The following CCNH variants were observed in gnomAD, a reference collection of about 807,000 sequenced individuals.
CCNH encodes cyclin H.
In CCNH, 31 loss-of-function variants were observed where a neutral mutation model predicts 41.9. The ratio of observed to expected loss-of-function variants is 0.74; its 90% CI spans 0.56 to 1.00. The LOEUF is 1.00. Ranked by LOEUF, CCNH falls within the 50% of genes least tolerant of loss-of-function variation. CCNH has a pLI of 0.00. For missense variants in CCNH, 362 were observed against 388.4 expected (o/e 0.93, Z 0.57); for synonymous variants, 138 against 136.1 (o/e 1.01, Z -0.10).
chr5:87,332,622 T>C (rs779967471), intron 9 of CCNH: 14 of 1,611,026 alleles, frequency 8.7e-6, no homozygotes, highest in Non-Finnish European at 9.3e-6. Context: ...AAAATTACTT[T>C]ACCCAGTTGC....
intron 9 of CCNH, among the ~76,000 whole-genome samples, chr5:87,344,062 G>A (rs902406121): frequency 3.3e-5 from 5 of 152,136 alleles, no homozygotes; most frequent in Non-Finnish European, 5.9e-5. Context: ...TTACCAAAAG[G>A]TGGGAAGGGT....
At chr5:87,396,756 A>G (rs1009283111) in intron 7 of CCNH, among the ~76,000 whole-genome samples, 2 of 152,220 alleles carry the variant, frequency 1.3e-5, no homozygotes, top group African/African-American at 4.8e-5. Flanking sequence ...TAAAATACCA[A>G]TGTGATACTT....
chr5:87,339,573 C>T (rs1169916674), intron 9 of CCNH, among the ~76,000 whole-genome samples: 1 of 152,026 alleles, frequency 6.6e-6, no homozygotes, highest in Non-Finnish European at 1.5e-5. Context: ...AATTCTGGAT[C>T]AAATTTAACA....
downstream of CCNH, among the ~76,000 whole-genome samples, chr5:87,372,545 C>T (rs1236102808): frequency 6.6e-6 from 1 of 152,126 alleles, no homozygotes; most frequent in African/African-American, 2.4e-5. Context: ...TAGCACTAAT[C>T]CCAATAAACT....
upstream of CCNH, among the ~76,000 whole-genome samples, chr5:87,381,468 T>C (rs954933979): frequency 6.6e-6 from 1 of 152,250 alleles, no homozygotes; most frequent in African/African-American, 2.4e-5. Context: ...TACACTGTCA[T>C]GTCATGCTAT....
rs978278965 is a variant in CCNH, at chr5:87,369,745, G to A, written c.*90+23025C>T. ...GTTAATTATTTATTGTGAGTGTTTTGGAAGCTGGTATAAATATTTTGCTAC... is the reference window on the plus strand; with the variant it reads ...GTTAATTATTTATTGTGAGTGTTTTAGAAGCTGGTATAAATATTTTGCTAC... On this transcript the variant is annotated intron_variant and NMD_transcript_variant, in intron 9 of 9. Coordinates refer to the CCNH transcript ENST00000645953. 3.1e-6 allele frequency: 3 copies of A among 979,858 alleles called. No homozygotes were observed. In the South Asian group the frequency reaches 4.2e-5, roughly 14 times the overall value. The allele number at this position is 979,858 out of a possible 1,614,324, so 60.7% of individuals were successfully genotyped here.
chr5:87,322,794 T>C (rs1234319675), intron 9 of CCNH, among the ~76,000 whole-genome samples: 1 of 152,154 alleles, frequency 6.6e-6, no homozygotes, highest in Non-Finnish European at 1.5e-5. Flanking sequence ...AAAATATAGA[T>C]ATATAAACAC....
chr5:87,389,500 G>A (rs780778907), downstream of CCNH: 7 of 1,614,062 alleles, frequency 4.3e-6, no homozygotes, highest in Middle Eastern at 1.7e-4. Context: ...AACTTCGAAC[G>A]CTCAGTAATG....
intron 9 of CCNH, among the ~76,000 whole-genome samples, chr5:87,339,251 T>C (rs141144625): frequency 6.6e-6 from 1 of 152,148 alleles, no homozygotes; most frequent in African/African-American, 2.4e-5. Context: ...ACATACTGAG[T>C]AGAGGTGGGA....
intron 9 of CCNH, chr5:87,353,302 T>C: frequency 8.2e-7 from 1 of 1,223,482 alleles, no homozygotes; most frequent in South Asian, 1.2e-5. Context: ...GTGGTATGTT[T>C]TTGCACACAT....
chr5:87,412,779 T>A lies in CCNH; in HGVS notation c.16A>T (p.Ser6Cys). MYHNS[S>C]QKRHWTFSSE... is the part of the protein sequence containing the mutation. ...GAGAAGGTCCAGTGCCGCTTCTGAC[T>A]ACTGTTGTGGTACATTATGGAATCG... Residue 6 changes from serine to cysteine, a missense_variant, in exon 1 of 9, where the codon AGT becomes TGT. Coordinates refer to ENST00000256897, the MANE Select transcript of CCNH (RefSeq NM_001239.4). 6.2e-7 allele frequency: 1 copy of A among 1,614,200 alleles called. No individual in the cohort carries two copies. Among genetic ancestry groups the A allele is most frequent in the Non-Finnish European group, 8.5e-7 (1 of 1,180,026 alleles).
chr5:87,332,161 G>A (rs1284606029), intron 9 of CCNH, among the ~76,000 whole-genome samples: 2 of 152,068 alleles, frequency 1.3e-5, no homozygotes, highest in African/African-American at 2.4e-5. Flanking sequence ...AGATCTGTGA[G>A]CTCCTTTTAG....
At chr5:87,312,769 C>T in the CCNH span, among the ~76,000 whole-genome samples, 5 of 152,164 alleles carry the variant, frequency 3.3e-5, no homozygotes, top group African/African-American at 9.7e-5. Context: ...TCTTCTTATA[C>T]ACAGGCTCCT....
chr5:87,320,573 C>A lies in CCNH; in HGVS notation c.*91-1676G>T, dbSNP rs1476779231. Among the ~76,000 whole-genome samples, 3 of 152,150 alleles carry A rather than the reference C, an allele frequency of 2.0e-5. No homozygotes were observed. In the East Asian group the frequency reaches 5.8e-4, roughly 29 times the overall value. On this transcript the variant is annotated intron_variant and NMD_transcript_variant, in intron 9 of 9. Transcript: ENST00000645953. ...GAGAGAGTAAAGTGGGGAAGCGCCA[C>A]ACACTTTTAAACCATCAGATCTTGC...
At chr5:87,382,453 C>A (rs1014995993) in intron 9 of CCNH, among the ~76,000 whole-genome samples, 9 of 152,170 alleles carry the variant, frequency 5.9e-5, no homozygotes, top group African/African-American at 1.9e-4. Flanking sequence ...CTTGTCTTTA[C>A]ATGGATTATG....
intron 1 of CCNH, among the ~76,000 whole-genome samples, chr5:87,411,962 C>CT (rs1022782435): frequency 8.5e-5 from 13 of 152,280 alleles, no homozygotes; most frequent in African/African-American, 3.1e-4. Context: ...AGTCCGAGAG[C>CT]TGTAACAGAA....
chr5:87,315,020 G>A (rs1443029555), downstream of CCNH, among the ~76,000 whole-genome samples: 1 of 152,110 alleles, frequency 6.6e-6, no homozygotes, highest in Admixed American at 6.5e-5. Flanking sequence ...TGGGAGCTAG[G>A]CAGAATGTGG....
downstream of CCNH, among the ~76,000 whole-genome samples, chr5:87,389,906 C>CA (rs765711490): frequency 6.6e-6 from 1 of 152,068 alleles, no homozygotes; most frequent in African/African-American, 2.4e-5. Flanking sequence ...AAGTGATTCT[C>CA]AAACTGTGAA....
intron 9 of CCNH, among the ~76,000 whole-genome samples, chr5:87,355,737 A>G (rs1345417774): frequency 6.6e-6 from 1 of 152,270 alleles, no homozygotes; most frequent in East Asian, 1.9e-4. Context: ...CCCTTTGGAA[A>G]GGATTTATCA....
Sources: allele counts gnomAD v4.1 joint callset (sites outside exome capture counted in the v4.1 genomes callset), GRCh38; gene constraint gnomAD v4.1.1; transcripts MANE v1.5; gene names NCBI Gene and HGNC (gene_info 2026-07-23, HGNC 2026-07-21).